The following L3MBTL3 variants were observed in gnomAD, a reference collection of about 807,000 sequenced individuals.
L3MBTL3 encodes the protein L3MBTL histone methyl-lysine binding protein 3, also known as lethal(3)malignant brain tumor-like protein 3.
In L3MBTL3, 27 loss-of-function variants were observed where a neutral mutation model predicts 102.3. The observed-to-expected ratio is 0.26, with a 90% CI of 0.19 to 0.36. The LOEUF (loss-of-function observed/expected upper bound fraction) is 0.36, where lower values mean the gene tolerates loss of function less well. Ranked by LOEUF, L3MBTL3 falls within the 10% of genes least tolerant of loss-of-function variation. The probability of loss-of-function intolerance (pLI) is 1.00; values close to 1 mark genes in which losing one functional copy is unlikely to be tolerated. For missense variants in L3MBTL3, 798 were observed against 955.3 expected, an observed-to-expected ratio of 0.84 and a Z score of 2.17; for synonymous variants, 340 against 320.9, an observed-to-expected ratio of 1.06 and a Z score of -0.64.
At chr6:130,134,152 TATAAAA>T (rs1461123469) in intron 22 of L3MBTL3, among the ~76,000 whole-genome samples, 3 of 152,174 alleles carry the variant, frequency 2.0e-5, no homozygotes, top group African/African-American at 2.4e-5. Flanking sequence ...CTAGGCTCCT[TATAAAA>T]AGAAAACCCA....
chr6:130,089,509 T>C (rs1370533116), intron 16 of L3MBTL3, among the ~76,000 whole-genome samples: 1 of 152,156 alleles, frequency 6.6e-6, no homozygotes, highest in African/African-American at 2.4e-5. Flanking sequence ...CTATTGTGAA[T>C]AGTGCCGCAA....
intron 14 of L3MBTL3, among the ~76,000 whole-genome samples, chr6:130,079,410 A>C (rs1562292693): frequency 1.3e-5 from 2 of 152,172 alleles, no homozygotes; most frequent in Admixed American, 6.5e-5. Context: ...GCTGATAAAT[A>C]GTGTCCTTGT....
chr6:130,056,773 C>G (rs1020807177), intron 8 of L3MBTL3, among the ~76,000 whole-genome samples: 3 of 152,240 alleles, frequency 2.0e-5, no homozygotes, highest in African/African-American at 7.2e-5. Flanking sequence ...CTTAAGTTTT[C>G]CGATTTTTTT....
intron 17 of L3MBTL3, 21 bp from the exon 18 acceptor site, chr6:130,094,244 C>T (rs904864011): frequency 6.3e-7 from 1 of 1,587,094 alleles, no homozygotes; most frequent in African/African-American, 1.4e-5. Context: ...CCCCTTCTTT[C>T]TTTTCTTTGC....
chr6:130,077,157 T>C (rs986361004), intron 13 of L3MBTL3, among the ~76,000 whole-genome samples: 6 of 152,082 alleles, frequency 3.9e-5, no homozygotes, highest in African/African-American at 1.4e-4. Context: ...TGATGCTATC[T>C]ATGAATTAAC....
intron 3 of L3MBTL3, among the ~76,000 whole-genome samples, chr6:130,048,891 G>A (rs1003842413): frequency 3.3e-5 from 5 of 150,726 alleles, no homozygotes; most frequent in East Asian, 2.0e-4. Context: ...TTTACTAAAC[G>A]TGATTTTTAA....
intron 5 of L3MBTL3, among the ~76,000 whole-genome samples, chr6:130,050,546 G>A (rs182317336): frequency 6.6e-6 from 1 of 152,162 alleles, no homozygotes; most frequent in Non-Finnish European, 1.5e-5. Flanking sequence ...CACTTCTTCT[G>A]TACTACTTCT....
intron 18 of L3MBTL3, 22 bp downstream of exon 18, chr6:130,094,389 C>T (rs1263587517): frequency 6.4e-7 from 1 of 1,559,116 alleles, no homozygotes; most frequent in Admixed American, 1.7e-5. Flanking sequence ...CTGTCACTCA[C>T]TTGGTCAGAT....
intron 19 of L3MBTL3, among the ~76,000 whole-genome samples, chr6:130,111,759 A>G (rs771822248): frequency 3.5e-4 from 53 of 152,174 alleles, no homozygotes; most frequent in Admixed American, 1.9e-3. Flanking sequence ...CTTAAAACTC[A>G]GATTTGAGGT....
chr6:130,019,893 G>T (rs1368408292), intron 1 of L3MBTL3, among the ~76,000 whole-genome samples: 1 of 143,090 alleles, frequency 7.0e-6, no homozygotes, highest in African/African-American at 2.5e-5. Flanking sequence ...CGGGCCGGGA[G>T]CCCGCGCCGT....
chr6:130,072,510 G>A (rs1206148879), intron 13 of L3MBTL3, among the ~76,000 whole-genome samples: 2 of 152,102 alleles, frequency 1.3e-5, no homozygotes, highest in African/African-American at 4.8e-5. Context: ...ATTTTTCCTT[G>A]TAGGACATCT....
chr6:130,129,154 G>C lies in L3MBTL3; in HGVS notation c.1967-4298G>C, dbSNP rs1473959839. 3.3e-5 allele frequency among the ~76,000 whole-genome samples: 5 copies of C among 152,066 alleles called. No homozygotes were observed. The East Asian group carries it at 9.6e-4, about 29-fold the overall frequency. ...AGGTAGATTTGGATCTTCAAATTTG[G>C]CACACAAAAATCTTTTTATCTTTTT... is the stretch of plus-strand genomic sequence containing the variant. On this transcript the variant is annotated intron_variant, in intron 20 of 22. Transcript: ENST00000361794.
intron 2 of L3MBTL3, 90 bp from the exon 3 acceptor site, chr6:130,042,595 T>A (rs955034492): frequency 2.9e-6 from 2 of 692,702 alleles, no homozygotes; most frequent in Non-Finnish European, 5.0e-6. Context: ...GAAAATTATG[T>A]AATTAAGGGA....
intron 14 of L3MBTL3, among the ~76,000 whole-genome samples, chr6:130,079,392 G>A (rs925046355): frequency 6.6e-6 from 1 of 152,180 alleles, no homozygotes; most frequent in Non-Finnish European, 1.5e-5. Context: ...ACGGGGAACA[G>A]TGTAACTGCT....
chr6:130,134,229 A>T (rs1055667937), intron 22 of L3MBTL3, among the ~76,000 whole-genome samples: 1 of 152,250 alleles, frequency 6.6e-6, no homozygotes, highest in Non-Finnish European at 1.5e-5. Context: ...AGAAAGAAAG[A>T]AGCAACATTT....
intron 14 of L3MBTL3, among the ~76,000 whole-genome samples, chr6:130,081,615 T>C (rs962596945): frequency 1.3e-5 from 2 of 150,792 alleles, no homozygotes; most frequent in African/African-American, 4.9e-5. Flanking sequence ...TTAGTAGAGA[T>C]GGGGTTTCAC....
chr6:130,124,091 A>T (rs1480195475), intron 20 of L3MBTL3, among the ~76,000 whole-genome samples: 4 of 152,238 alleles, frequency 2.6e-5, no homozygotes, highest in Non-Finnish European at 5.9e-5. Flanking sequence ...GCCTTAGCCC[A>T]TCCCACAAGT....
chr6:130,074,576 T>A (rs1338225546), intron 13 of L3MBTL3, among the ~76,000 whole-genome samples: 1 of 152,234 alleles, frequency 6.6e-6, no homozygotes, highest in East Asian at 1.9e-4. Flanking sequence ...CCTTCCTGAT[T>A]ATCTGCCTGA....
chr6:130,035,700 T>G (rs534034247), intron 2 of L3MBTL3, among the ~76,000 whole-genome samples: 4 of 152,252 alleles, frequency 2.6e-5, no homozygotes, highest in African/African-American at 9.6e-5. Flanking sequence ...AGCCATGACA[T>G]TACGTATTAG....
Sources: allele counts gnomAD v4.1 joint callset (sites outside exome capture counted in the v4.1 genomes callset), GRCh38; gene constraint gnomAD v4.1.1; transcripts MANE v1.5; gene names NCBI Gene and HGNC (gene_info 2026-07-23, HGNC 2026-07-21).